The following GRIA3 variants were observed in gnomAD, a reference collection of about 807,000 sequenced individuals.
GRIA3 encodes the protein glutamate receptor 3.
GRIA3 carries 3 observed loss-of-function variants against 63.0 expected under a neutral mutation model. That is an observed-to-expected ratio of 0.05 (90% confidence interval 0.02 to 0.12). The LOEUF (loss-of-function observed/expected upper bound fraction) is 0.12. Ranked by LOEUF, GRIA3 falls within the 10% of genes least tolerant of loss-of-function variation. The pLI, the probability that GRIA3 is intolerant of heterozygous loss-of-function variation, is 1.00. For synonymous variants in GRIA3, 274 were observed against 257.9 expected, an observed-to-expected ratio of 1.06 and a Z score of -0.60; for missense variants, 347 against 700.9, an observed-to-expected ratio of 0.50 and a Z score of 5.70.
At chrX:123,235,619 C>G (rs1481005891) in intron 2 of GRIA3, among the ~76,000 whole-genome samples, 2 of 111,303 alleles carry the variant, frequency 1.8e-5, no homozygotes, top group African/African-American at 6.5e-5. Flanking sequence ...TGAGTGACAG[C>G]ACATTGATAA....
At chrX:123,297,115 A>T (rs147810507) in intron 3 of GRIA3, among the ~76,000 whole-genome samples, 78 of 111,369 alleles carry the variant, frequency 7.0e-4, no homozygotes, top group African/African-American at 2.3e-3. Flanking sequence ...CATCAGCATC[A>T]ACTGGGAGCT....
chrX:123,288,990 T>G lies in GRIA3; in HGVS notation c.508+35448T>G, dbSNP rs374249095. ...CACACGTATGTTTATTGCAGCACTATTCACAATAGCAAAGACTTGGAACCC... is the reference window on the plus strand; with the variant it reads ...CACACGTATGTTTATTGCAGCACTAGTCACAATAGCAAAGACTTGGAACCC... On this transcript the variant is annotated intron_variant, in intron 3 of 15. Coordinates refer to ENST00000620443, the MANE Select transcript of GRIA3 (RefSeq NM_007325.5). Among the ~76,000 whole-genome samples, 7 of 112,122 alleles carry G rather than the reference T, an allele frequency of 6.2e-5. No individual in the cohort carries two copies. In the South Asian group the frequency reaches 1.9e-3, roughly 30 times the overall value.
intron 5 of GRIA3, among the ~76,000 whole-genome samples, chrX:123,387,543 C>CA (rs2045360574): frequency 9.0e-6 from 1 of 111,426 alleles, no homozygotes; most frequent in Non-Finnish European, 1.9e-5. Flanking sequence ...AGCATTTTCC[C>CA]ATTCAGTCTG....
chrX:123,350,617 T>A (rs1348078434), intron 4 of GRIA3, among the ~76,000 whole-genome samples: 1 of 112,417 alleles, frequency 8.9e-6, no homozygotes, highest in African/African-American at 3.2e-5. Flanking sequence ...TATTTTTAAC[T>A]GCTCAGTGAT....
intron 12 of GRIA3, 80 bp from the exon 13 acceptor site, chrX:123,464,785 A>T (rs1359952618): frequency 1.1e-5 from 5 of 463,352 alleles, no homozygotes; most frequent in African/African-American, 2.6e-5. Context: ...GATTGCAATT[A>T]AAAAAAAAAA....
At chrX:123,300,556 G>T (rs893761026) in intron 3 of GRIA3, among the ~76,000 whole-genome samples, 49 of 108,391 alleles carry the variant, frequency 4.5e-4, no homozygotes, top group Admixed American at 2.0e-4. Context: ...CTAGCTAATG[G>T]TCTATCTATT....
At chrX:123,348,422 A>G (rs2045068052) in intron 4 of GRIA3, among the ~76,000 whole-genome samples, 1 of 111,968 alleles carries the variant, frequency 8.9e-6, no homozygotes, top group African/African-American at 3.2e-5. Flanking sequence ...GTCGTGTTAA[A>G]GAAAAACTAA....
chrX:123,417,344 C>T, intron 10 of GRIA3, 58 bp from the exon 11 acceptor site: 1 of 989,171 alleles, frequency 1.0e-6, no homozygotes, highest in South Asian at 2.0e-5. Flanking sequence ...CGACAAATAA[C>T]TGATTAAAGA....
chrX:123,360,133 G>A (rs946226602), intron 5 of GRIA3, among the ~76,000 whole-genome samples: 18 of 111,113 alleles, frequency 1.6e-4, no homozygotes, highest in Non-Finnish European at 3.4e-4. Context: ...AATGGACTCA[G>A]AAAATATATA....
chrX:123,200,169 G>A (rs975792830), intron 2 of GRIA3, among the ~76,000 whole-genome samples: 4 of 110,228 alleles, frequency 3.6e-5, no homozygotes, highest in Non-Finnish European at 3.8e-5. Context: ...TAAGAGAATC[G>A]TCTAATTCTC....
chrX:123,247,381 C>T (rs1162261920), intron 2 of GRIA3, among the ~76,000 whole-genome samples: 1 of 111,469 alleles, frequency 9.0e-6, no homozygotes, highest in Non-Finnish European at 1.9e-5. Context: ...CCTACAGACT[C>T]GGGGACTATA....
intron 2 of GRIA3, among the ~76,000 whole-genome samples, chrX:123,206,768 T>C (rs1176428584): frequency 8.9e-6 from 1 of 111,902 alleles, no homozygotes; most frequent in Non-Finnish European, 1.9e-5. Context: ...TGGTGGAACA[T>C]AATTTTGAGA....
intron 3 of GRIA3, among the ~76,000 whole-genome samples, chrX:123,262,735 C>T (rs768913346): frequency 2.7e-5 from 3 of 111,596 alleles, no homozygotes; most frequent in South Asian, 3.8e-4. Flanking sequence ...TGTGAAGTAC[C>T]GTGGGAGTCC....
At chrX:123,338,682 C>G (rs184069013) in intron 4 of GRIA3, among the ~76,000 whole-genome samples, 1 of 111,640 alleles carries the variant, frequency 9.0e-6, no homozygotes, top group Non-Finnish European at 1.9e-5. Flanking sequence ...TCCCGAGTAG[C>G]TGGGATTACA....
At chrX:123,292,165 C>T (rs1014752564) in intron 3 of GRIA3, among the ~76,000 whole-genome samples, 1 of 111,728 alleles carries the variant, frequency 9.0e-6, no homozygotes, top group Admixed American at 9.5e-5. Flanking sequence ...AGCTAACCCG[C>T]TCAATATAGG....
chrX:123,277,393 C>T (rs1030406388), intron 3 of GRIA3, among the ~76,000 whole-genome samples: 15 of 111,203 alleles, frequency 1.3e-4, no homozygotes, highest in African/African-American at 3.9e-4. Flanking sequence ...AACTTTTCAG[C>T]AGAAAAGCAG....
chrX:123,239,664 T>C (rs1366373476), intron 2 of GRIA3, among the ~76,000 whole-genome samples: 1 of 112,278 alleles, frequency 8.9e-6, no homozygotes, highest in Non-Finnish European at 1.9e-5. Flanking sequence ...TAATAAATAC[T>C]GGTTGGATTA....
chrX:123,269,583 A>G (rs1337383162), intron 3 of GRIA3, among the ~76,000 whole-genome samples: 1 of 110,763 alleles, frequency 9.0e-6, no homozygotes, highest in African/African-American at 3.3e-5. Context: ...ACTCATTTAC[A>G]CTCTATGAAG....
chrX:123,469,284 G>A (rs2045850510), intron 13 of GRIA3, among the ~76,000 whole-genome samples: 1 of 111,956 alleles, frequency 8.9e-6, no homozygotes, highest in African/African-American at 3.2e-5. Flanking sequence ...TCCCTGGCAT[G>A]AGACATTACA....
Sources: allele counts gnomAD v4.1 joint callset (sites outside exome capture counted in the v4.1 genomes callset), GRCh38; gene constraint gnomAD v4.1.1; transcripts MANE v1.5; gene names NCBI Gene and HGNC (gene_info 2026-07-23, HGNC 2026-07-21).